Variants in TBX1 observed in about 807,000 individuals in gnomAD.
TBX1 encodes the protein T-box transcription factor 1, also known as T-box transcription factor TBX1.
TBX1 carries 16 observed loss-of-function variants against 40.8 expected under a neutral mutation model. The ratio of observed to expected loss-of-function variants is 0.39; its 90% CI spans 0.27 to 0.60. The LOEUF (loss-of-function observed/expected upper bound fraction) is 0.60. Among genes scored for constraint, TBX1 ranks in the 20% least tolerant of loss-of-function variants. The pLI, the probability that TBX1 is intolerant of heterozygous loss-of-function variation, is 0.51. For synonymous variants in TBX1, 403 were observed against 336.8 expected, an observed-to-expected ratio of 1.20 and a Z score of -2.15; for missense variants, 755 against 728.5, an observed-to-expected ratio of 1.04 and a Z score of -0.42.
At chr22:19,761,826 G>A (rs1601284860) in intron 1 of TBX1, among the ~76,000 whole-genome samples, 1 of 152,352 alleles carries the variant, frequency 6.6e-6, no homozygotes, top group African/African-American at 2.4e-5. Context: ...TTGCTACCCA[G>A]TTTCCTTCAA....
chr22:19,759,455 C>T (rs1936567221), upstream of TBX1: 3 of 1,415,586 alleles, frequency 2.1e-6, no homozygotes. Context: ...GCTGGGCACA[C>T]GCAGTCGGAG....
intron 8 of TBX1, among the ~76,000 whole-genome samples, chr22:19,777,510 G>A (rs1022643831): frequency 6.6e-6 from 1 of 152,124 alleles, no homozygotes; most frequent in African/African-American, 2.4e-5. Context: ...GAATAGTGCT[G>A]CAATAAACAT....
downstream of TBX1, among the ~76,000 whole-genome samples, chr22:19,780,788 G>GT (rs58810923): frequency 1.5e-3 from 197 of 130,746 alleles, 1 homozygote; most frequent in South Asian, 4.6e-3. Flanking sequence ...TTTTTTTTTT[G>GT]TTTTTTTTTT....
At position 19,761,144 on chromosome 22, in the gene TBX1, A is replaced by C; in HGVS notation, c.301A>C (p.Ser101Arg). The C allele has an allele frequency of 6.8e-7, 1 of 1,474,478 alleles. No homozygotes were observed. The highest frequency in any genetic ancestry group is 9.0e-7 in the Non-Finnish European group (1 of 1,105,544). The allele number at this position is 1,474,478 out of a possible 1,614,324, so 91.3% of individuals were successfully genotyped here. A position where few individuals can be genotyped will look rare whatever the true frequency, so the allele number is the denominator to read the frequency against. ...CGCCGAGCCCGAGGGCCCCGGGGCC[A>C]GCTGCGCGGCCGCAGCCAAGGCGCC... ...AAAEPEGPGA[S>R]CAAAAKAPVK... Residue 101 changes from serine to arginine, a missense_variant, in exon 1 of 7, where the codon AGC becomes CGC. Coordinates refer to ENST00000649276, the MANE Select transcript of TBX1 (RefSeq NM_001379200.1).
At chr22:19,760,212 G>GTT (rs71761160), upstream of TBX1, among the ~76,000 whole-genome samples, 2 of 125,856 alleles carry the variant, frequency 1.6e-5, no homozygotes, top group African/African-American at 2.8e-5. Flanking sequence ...AAAGACTTTA[G>GTT]TTTTTTTTTT....
Position 19,763,354 on chromosome 22 carries a change from G to T in TBX1, c.539+12G>T, listed in dbSNP as rs1306134695. ...GATAAGCGCTACCGGTGAGCGAGTGGTTGTAAGCGTGAGGGACCGGGAGGG... is the reference window on the plus strand; with the variant it reads ...GATAAGCGCTACCGGTGAGCGAGTGTTTGTAAGCGTGAGGGACCGGGAGGG... On this transcript the variant is annotated intron_variant, in intron 2 of 6. Coordinates refer to ENST00000649276, the MANE Select transcript of TBX1 (RefSeq NM_001379200.1). 6.2e-7 allele frequency: 1 copy of T among 1,613,870 alleles called. No homozygotes were observed. The highest frequency in any genetic ancestry group is 8.5e-7 in the Non-Finnish European group (1 of 1,179,802).
chr22:19,759,562 G>C (rs1050638686), upstream of TBX1: 1 of 1,583,192 alleles, frequency 6.3e-7, no homozygotes, highest in Admixed American at 1.8e-5. Flanking sequence ...TTGCAGCGGA[G>C]GCGGCGGAGC....
chr22:19,761,580 C>T (rs1427577297), intron 1 of TBX1, among the ~76,000 whole-genome samples: 1 of 151,858 alleles, frequency 6.6e-6, no homozygotes, highest in Non-Finnish European at 1.5e-5. Flanking sequence ...AGCCCCAGGA[C>T]GCCGCGCGGC....
chr22:19,759,485 C>G, upstream of TBX1: 7 of 1,450,282 alleles, frequency 4.8e-6, no homozygotes, highest in Non-Finnish European at 6.3e-6. Flanking sequence ...GCCAGGCCGC[C>G]GGGCGCCTAT....
At chr22:19,763,192 G>C (rs370275028) in intron 1 of TBX1, 49 bp from the exon 2 acceptor site, 13 of 1,534,100 alleles carry the variant, frequency 8.5e-6, no homozygotes, top group Middle Eastern at 1.7e-4. Context: ...CAGGTCAAGG[G>C]GGGCTGCCTT....
chr22:19,764,006 G>T, intron 2 of TBX1, 149 bp from the exon 3 acceptor site: 1 of 828,678 alleles, frequency 1.2e-6, no homozygotes, highest in African/African-American at 1.7e-5. Context: ...AGTCCCCCTT[G>T]GAAAAGCTCC....
At chr22:19,768,656 T>C (rs1256061984), downstream of TBX1, among the ~76,000 whole-genome samples, 1 of 152,134 alleles carries the variant, frequency 6.6e-6, no homozygotes, top group African/African-American at 2.4e-5. Flanking sequence ...AGGGCCTCCC[T>C]CTCTTGCTGT....
At chr22:19,757,962 G>A (rs892909366), upstream of TBX1, among the ~76,000 whole-genome samples, 5 of 152,170 alleles carry the variant, frequency 3.3e-5, no homozygotes, top group Admixed American at 6.5e-5. Context: ...TGGGGGGCAG[G>A]ACATGAGGCA....
Position 19,760,805 on chromosome 22 carries a change from C to T in TBX1, c.-39C>T. On this transcript the variant is annotated 5_prime_UTR_variant, in exon 1 of 7. Transcript: ENST00000649276. ...TCGGCCCGCGGCGCGGGGCAGCGCT[C>T]AGCTTGGTGGCGGGGGCGGCGGCGG... The T allele has an allele frequency of 1.5e-6, 1 of 668,498 alleles. No homozygotes were observed. The highest frequency in any genetic ancestry group is 1.8e-6 in the Non-Finnish European group (1 of 545,114). The allele number at this position is 668,498 out of a possible 1,614,324, so 41.4% of individuals were successfully genotyped here. A position where few individuals can be genotyped will look rare whatever the true frequency, so the allele number is the denominator to read the frequency against.
chr22:19,778,411 A>C (rs41298652), intron 8 of TBX1, among the ~76,000 whole-genome samples: 1,490 of 146,438 alleles, frequency 0.01, 19 homozygotes, highest in South Asian at 0.048. Context: ...ATTGCTCCTT[A>C]TTTCTTTTCT....
In TBX1 at chr22:19,761,290, CCCCTCCCCACGCCGCGA is replaced by C; in HGVS notation, c.437+22_437+38del. ...TCACCAAGGCCGGCAGGTCAGGGCG[CCCCTCCCCACGCCGCGA>C]CCCTCCCCACGTGCTGCCGCCAGGG... On this transcript the variant is annotated intron_variant, in intron 1 of 6. Transcript: ENST00000649276. The C allele has an allele frequency of 2.6e-6, 4 of 1,540,636 alleles. No individual in the cohort carries two copies. The highest frequency in any genetic ancestry group is 3.5e-6 in the Non-Finnish European group (4 of 1,140,662).
chr22:19,766,251 C>T, intron 6 of TBX1, 138 bp from the exon 7 acceptor site: 35 of 1,159,254 alleles, frequency 3.0e-5, no homozygotes, highest in Non-Finnish European at 3.7e-5. Context: ...GACTTGGGGT[C>T]TCGGGCACGC....
upstream of TBX1, among the ~76,000 whole-genome samples, chr22:19,758,634 G>C (rs983699994): frequency 6.6e-6 from 1 of 152,158 alleles, no homozygotes; most frequent in South Asian, 2.1e-4. Flanking sequence ...ACATGTCCTC[G>C]TGTCCTCGGC....
rs1211607816 is a variant in TBX1, at chr22:19,766,574, G to C, written c.1222G>C (p.Glu408Gln). 6 of 1,456,000 alleles carry C rather than the reference G, an allele frequency of 4.1e-6. No homozygotes were observed. The highest frequency in any genetic ancestry group is 5.4e-6 in the Non-Finnish European group (6 of 1,106,910). The allele number at this position is 1,456,000 out of a possible 1,614,324, so 90.2% of individuals were successfully genotyped here. ...PGGRPSPPNP[E>Q]LRLEAPGASE... ...AGGCCGGCCCAGTCCCCCGAACCCC[G>C]AGCTGCGCCTGGAGGCGCCCGGCGC... The change falls in exon 7 of 7, where the codon GAG (glutamate) becomes CAG (glutamine). Residue 408 changes from glutamate (E) to glutamine (Q), a missense_variant. By Grantham distance (29) the Glu-to-Gln change is conservative (BLOSUM62 2). Around this residue, in one of 3 missense-constraint regions of TBX1, gnomAD observed 412 missense variants for 317.6 expected, o/e 1.30. Transcript: ENST00000649276.
Sources: allele counts gnomAD v4.1 joint callset (sites outside exome capture counted in the v4.1 genomes callset), GRCh38; gene constraint gnomAD v4.1.1; regional missense constraint gnomAD v4.1.1; transcripts MANE v1.5; gene names NCBI Gene and HGNC (gene_info 2026-07-23, HGNC 2026-07-21).